Variants in EXOC4 observed in about 807,000 individuals in gnomAD.
EXOC4 encodes SEC8-like 1.
EXOC4 carries 71 observed loss-of-function variants against 107.2 expected under a neutral mutation model. That is an observed-to-expected ratio of 0.66 (90% CI 0.55 to 0.81). The LOEUF is 0.81. Ranked by LOEUF, EXOC4 falls within the 30% of genes least tolerant of loss-of-function variation. The pLI, the probability that EXOC4 is intolerant of heterozygous loss-of-function variation, is 0.00. For synonymous variants in EXOC4, 456 were observed against 441.2 expected (o/e 1.03, Z -0.42); for missense variants, 1,108 against 1,189.6 (o/e 0.93, Z 1.01).
chr7:133,811,799 G>T (rs952563324), intron 10 of EXOC4, among the ~76,000 whole-genome samples: 1 of 152,138 alleles, frequency 6.6e-6, no homozygotes, highest in Non-Finnish European at 1.5e-5. Context: ...TAAAAATTTT[G>T]TATTGAAATC....
Position 133,842,325 on chromosome 7 carries a change from T to G in EXOC4, c.1734+24781T>G, listed in dbSNP as rs985900950. ...ACCTCACCAGCATCTGTTATTGACT[T>G]TTTAGTAGTAGCCATTCTGACTGAT... On this transcript the variant is annotated intron_variant, in intron 11 of 17. Transcript: ENST00000253861. Among the ~76,000 whole-genome samples, 4 of 152,288 alleles carry G rather than the reference T, an allele frequency of 2.6e-5. No homozygotes were observed. In the South Asian group the frequency reaches 8.3e-4, roughly 32 times the overall value.
intron 14 of EXOC4, among the ~76,000 whole-genome samples, chr7:133,989,415 C>G (rs1188618153): frequency 6.6e-6 from 1 of 152,092 alleles, no homozygotes; most frequent in East Asian, 1.9e-4. Flanking sequence ...TGAGCTCACT[C>G]AGAACATATT....
chr7:134,023,078 C>T (rs1038717539), intron 17 of EXOC4, among the ~76,000 whole-genome samples: 2 of 152,170 alleles, frequency 1.3e-5, no homozygotes, highest in African/African-American at 4.8e-5. Flanking sequence ...AACTGGTTAT[C>T]AGTAATTCCT....
At chr7:133,737,458 A>AT (rs1562976859) in intron 10 of EXOC4, among the ~76,000 whole-genome samples, 1 of 150,352 alleles carries the variant, frequency 6.7e-6, no homozygotes, top group Non-Finnish European at 1.5e-5. Context: ...AAGCTTATTA[A>AT]TTTTTTTTCT....
chr7:133,954,721 G>A (rs1800774213), intron 14 of EXOC4, among the ~76,000 whole-genome samples: 1 of 152,196 alleles, frequency 6.6e-6, no homozygotes. Flanking sequence ...GCTTGGCTTG[G>A]CTTGGCTTGT....
chr7:133,858,500 G>A (rs993732492), intron 11 of EXOC4, among the ~76,000 whole-genome samples: 7 of 152,110 alleles, frequency 4.6e-5, no homozygotes, highest in African/African-American at 7.2e-5. Flanking sequence ...GGATTCTCCC[G>A]GAGACTGACA....
At chr7:133,300,216 A>G (rs1405690129) in intron 3 of EXOC4, among the ~76,000 whole-genome samples, 2 of 152,218 alleles carry the variant, frequency 1.3e-5, no homozygotes, top group African/African-American at 4.8e-5. Flanking sequence ...CTGAGGAGTT[A>G]GGAGAAAAAA....
chr7:133,419,755 C>G (rs78789226), intron 7 of EXOC4, among the ~76,000 whole-genome samples: 1,636 of 152,200 alleles, frequency 0.011, 28 homozygotes, highest in African/African-American at 0.038. Context: ...CAAACCGACT[C>G]TTATTATTTT....
intron 6 of EXOC4, among the ~76,000 whole-genome samples, chr7:133,368,876 T>C (rs1796303049): frequency 6.6e-6 from 1 of 152,244 alleles, no homozygotes; most frequent in African/African-American, 2.4e-5. Flanking sequence ...CCTTTACTAA[T>C]TCAATTCAGC....
intron 10 of EXOC4, among the ~76,000 whole-genome samples, chr7:133,652,699 A>G (rs1803190954): frequency 1.3e-5 from 2 of 152,188 alleles, no homozygotes; most frequent in Admixed American, 6.5e-5. Flanking sequence ...CAAAGGCCTT[A>G]GGTGGCCCCC....
At chr7:133,368,863 G>C (rs991782579) in intron 6 of EXOC4, among the ~76,000 whole-genome samples, 3 of 152,062 alleles carry the variant, frequency 2.0e-5, no homozygotes, top group Non-Finnish European at 2.9e-5. Context: ...TAAAGTTCTT[G>C]GGCCTTTACT....
At chr7:133,608,240 T>A (rs1218512518) in intron 9 of EXOC4, among the ~76,000 whole-genome samples, 2 of 152,148 alleles carry the variant, frequency 1.3e-5, no homozygotes, top group Non-Finnish European at 2.9e-5. Context: ...AAAAACAGGA[T>A]GAGGAGTAAA....
intron 7 of EXOC4, among the ~76,000 whole-genome samples, chr7:133,432,710 C>G (rs1363360598): frequency 1.3e-5 from 2 of 152,222 alleles, no homozygotes; most frequent in Non-Finnish European, 2.9e-5. Context: ...TTTCCACTCT[C>G]TTCCAGTTTC....
chr7:134,064,222 G>A (rs568753348), intron 17 of EXOC4, 69 bp from the exon 18 acceptor site: 23 of 1,035,576 alleles, frequency 2.2e-5, no homozygotes, highest in Admixed American at 1.6e-4. Context: ...TATAGACAGC[G>A]TATTTGTCCC....
At chr7:133,896,943 A>G (rs6467508) in intron 12 of EXOC4, among the ~76,000 whole-genome samples, 86,796 of 86,798 alleles carry the variant, frequency 1, 43,397 homozygotes, top group Middle Eastern at 1. Context: ...GATTACAGGC[A>G]TGAGCCACCA....
chr7:133,482,950 C>G (rs1261127806), intron 9 of EXOC4, among the ~76,000 whole-genome samples: 1 of 152,118 alleles, frequency 6.6e-6, no homozygotes, highest in Non-Finnish European at 1.5e-5. Context: ...GGTCCCTCCT[C>G]TCTCAGCCTG....
chr7:133,993,180 A>G (rs1794302258), intron 14 of EXOC4, among the ~76,000 whole-genome samples: 1 of 152,096 alleles, frequency 6.6e-6, no homozygotes. Context: ...TTTTGCATTT[A>G]TATTCATCAG....
intron 9 of EXOC4, among the ~76,000 whole-genome samples, chr7:133,626,842 G>GT (rs1455463967): frequency 6.6e-6 from 1 of 152,238 alleles, no homozygotes; most frequent in Admixed American, 6.5e-5. Flanking sequence ...ATCAACAAAC[G>GT]TTTATTAAGC....
chr7:133,454,218 G>A (rs560227424), intron 7 of EXOC4, among the ~76,000 whole-genome samples: 1 of 152,214 alleles, frequency 6.6e-6, no homozygotes, highest in East Asian at 1.9e-4. Context: ...ATTTCTGAAA[G>A]GACATCTTTT....
Sources: gnomAD v4.1 joint callset for allele counts (sites outside exome capture counted in the v4.1 genomes callset) on GRCh38, gnomAD v4.1.1 for gene constraint, MANE v1.5 for transcripts, NCBI Gene and HGNC (gene_info 2026-07-23, HGNC 2026-07-21) for gene names.